PALLD: variants seen among roughly 807,000 people sequenced by gnomAD.
PALLD encodes palladin, cytoskeletal associated protein, also known as palladin.
A neutral mutation model predicts 123.5 loss-of-function variants in PALLD; 61 were observed. The observed-to-expected ratio is 0.49, with a 90% CI of 0.40 to 0.61. The LOEUF (loss-of-function observed/expected upper bound fraction) is 0.61. PALLD is among the 20% of genes least tolerant of loss of function. The pLI is 0.00. For missense variants in PALLD, 1,273 were observed against 1,377.0 expected, an observed-to-expected ratio of 0.92 and a Z score of 1.20; for synonymous variants, 465 against 496.4, an observed-to-expected ratio of 0.94 and a Z score of 0.84.
chr4:168,503,656 A>G (rs1465726623), intron 1 of PALLD, among the ~76,000 whole-genome samples: 1 of 151,974 alleles, frequency 6.6e-6, no homozygotes. Flanking sequence ...CAAAAAAAAA[A>G]AAAAAGAAAA....
intron 10 of PALLD, among the ~76,000 whole-genome samples, chr4:168,867,920 GAAA>G: frequency 6.8e-6 from 1 of 147,328 alleles, no homozygotes; most frequent in South Asian, 2.2e-4. Context: ...AAAAAAAAAA[GAAA>G]AAAAAAATTC....
chr4:168,511,260 A>C (rs1762504976), intron 1 of PALLD, among the ~76,000 whole-genome samples, 163 bp from the exon 2 acceptor site: 1 of 152,242 alleles, frequency 6.6e-6, no homozygotes, highest in African/African-American at 2.4e-5. Context: ...TAAAATCATA[A>C]AATGATCAAC....
chr4:168,567,836 C>T (rs1266111217), intron 2 of PALLD, among the ~76,000 whole-genome samples: 4 of 151,690 alleles, frequency 2.6e-5, no homozygotes, highest in Non-Finnish European at 5.9e-5. Context: ...AATTACCTAT[C>T]GGGTACAATG....
intron 2 of PALLD, among the ~76,000 whole-genome samples, chr4:168,662,006 C>T (rs1427384267): frequency 1.3e-5 from 2 of 151,816 alleles, no homozygotes; most frequent in Non-Finnish European, 2.9e-5. Flanking sequence ...GTCATTGTTC[C>T]CAAATATTGT....
chr4:168,596,689 C>T (rs1254214987), intron 2 of PALLD, among the ~76,000 whole-genome samples: 1 of 148,946 alleles, frequency 6.7e-6, no homozygotes, highest in Non-Finnish European at 1.5e-5. Context: ...GATTTCCTCA[C>T]CAATTCCAAG....
chr4:168,622,330 C>A (rs1019324023), intron 2 of PALLD, among the ~76,000 whole-genome samples: 1 of 152,176 alleles, frequency 6.6e-6, no homozygotes, highest in African/African-American at 2.4e-5. Context: ...ACAACATAAG[C>A]ACTGGTCCAT....
chr4:168,894,752 TC>T lies in PALLD; in HGVS notation c.2199+76del, dbSNP rs1325013094. The T allele has an allele frequency of 3.0e-5, 47 of 1,562,420 alleles. No individual in the cohort carries two copies. In the Middle Eastern group the frequency reaches 3.3e-3, roughly 111 times the overall value. On this transcript the variant is annotated intron_variant, in intron 12 of 21. Transcript: ENST00000505667. ...TTTCCATCTTCCTTATGGATACTGT[TC>T]TTGGGATGAGTTCTGTGGAAAGTAG... is the stretch of plus-strand genomic sequence containing the variant.
At chr4:168,714,618 A>G (rs922363523) in intron 10 of PALLD, among the ~76,000 whole-genome samples, 3 of 152,164 alleles carry the variant, frequency 2.0e-5, no homozygotes, top group Admixed American at 6.5e-5. Context: ...ATGAAAAACT[A>G]TGGTTTGCTC....
intron 8 of PALLD, among the ~76,000 whole-genome samples, chr4:168,695,071 C>CA (rs1294618444): frequency 6.6e-6 from 1 of 152,170 alleles, no homozygotes; most frequent in Non-Finnish European, 1.5e-5. Flanking sequence ...ATTAAAAACA[C>CA]AAAAACGCGT....
intron 14 of PALLD, among the ~76,000 whole-genome samples, chr4:168,902,036 A>G (rs1208186191): frequency 1.3e-5 from 2 of 152,166 alleles, no homozygotes; most frequent in Non-Finnish European, 1.5e-5. Context: ...CGAGTTTGAA[A>G]AGTTAGAGCA....
intron 10 of PALLD, among the ~76,000 whole-genome samples, chr4:168,755,119 G>A (rs981596617): frequency 1.3e-5 from 2 of 151,824 alleles, no homozygotes; most frequent in African/African-American, 4.8e-5. Context: ...TGTAGTCTCA[G>A]CTACTTGGGA....
In PALLD at chr4:168,511,314, A is replaced by G. The variant is rs531878550; in HGVS notation, c.-82-109A>G. ...TCTTCCAACTTGTAAAATAAAGAAA[A>G]CTTATATTCATTCACTTTAATGTTT... On this transcript the variant is annotated intron_variant, in intron 1 of 21. Coordinates refer to ENST00000505667, the MANE Select transcript of PALLD (RefSeq NM_001166108.2). The G allele has an allele frequency of 9.0e-4, 512 of 571,206 alleles. 1 individual carries two copies. In the African/African-American group the frequency reaches 9.0e-3, roughly 10 times the overall value. The allele number at this position is 571,206 out of a possible 1,614,324, so 35.4% of individuals were successfully genotyped here.
chr4:168,787,226 C>T (rs1031694988), intron 10 of PALLD, among the ~76,000 whole-genome samples: 2 of 152,156 alleles, frequency 1.3e-5, no homozygotes, highest in Non-Finnish European at 2.9e-5. Context: ...TAAGAACCTG[C>T]CCATCAGCCA....
rs1352339271 is a variant in PALLD at position 168,690,968 on chromosome 4, A to G, written c.1477+224A>G. 2.0e-5 allele frequency among the ~76,000 whole-genome samples: 3 copies of G among 152,288 alleles called. No homozygotes were observed. In the East Asian group the frequency reaches 5.8e-4, roughly 29 times the overall value. On this transcript the variant is annotated intron_variant, in intron 7 of 21. Transcript: ENST00000505667. ...TTCGTCTTAAAAAATGCATATATAC[A>G]TTTGTACTCAAATTTGCATGAATAA...
At chr4:168,898,902 G>C (rs576585348) in intron 14 of PALLD, among the ~76,000 whole-genome samples, 188 bp downstream of exon 14, 1 of 152,158 alleles carries the variant, frequency 6.6e-6, no homozygotes, top group African/African-American at 2.4e-5. Context: ...AAAGGTGGTG[G>C]GGGGAGTGGA....
chr4:168,686,247 G>A (rs1267529930), intron 6 of PALLD, among the ~76,000 whole-genome samples: 15 of 151,874 alleles, frequency 9.9e-5, no homozygotes, highest in South Asian at 4.2e-4. Context: ...TGGGATACAC[G>A]TGCAGAATGT....
At chr4:168,782,930 A>C (rs1028540129) in intron 10 of PALLD, among the ~76,000 whole-genome samples, 1 of 150,832 alleles carries the variant, frequency 6.6e-6, no homozygotes, top group East Asian at 1.9e-4. Flanking sequence ...AAAAAACAAC[A>C]AAAAAAAACT....
intron 10 of PALLD, among the ~76,000 whole-genome samples, chr4:168,763,461 G>A (rs62334265): frequency 0.15 from 22,239 of 152,218 alleles, 1,916 homozygotes; most frequent in Non-Finnish European, 0.2. Flanking sequence ...GCCTCACATG[G>A]AGTAAGAGGT....
At chr4:168,747,519 A>C (rs1242738539) in intron 10 of PALLD, among the ~76,000 whole-genome samples, 2 of 152,250 alleles carry the variant, frequency 1.3e-5, no homozygotes, top group Non-Finnish European at 2.9e-5. Context: ...TATGACAATG[A>C]GACAGTATGT....
Sources: gnomAD v4.1 joint callset for allele counts (sites outside exome capture counted in the v4.1 genomes callset) on GRCh38, gnomAD v4.1.1 for gene constraint, MANE v1.5 for transcripts, NCBI Gene and HGNC (gene_info 2026-07-23, HGNC 2026-07-21) for gene names.